The following STIMATE variants were observed in gnomAD, a reference collection of about 807,000 sequenced individuals.
STIMATE encodes the protein STIM activating enhancer.
In STIMATE, 15 loss-of-function variants were observed where a neutral mutation model predicts 36.7. That is an observed-to-expected ratio of 0.41 (90% CI 0.27 to 0.63). The LOEUF (loss-of-function observed/expected upper bound fraction) is 0.63, where lower values mean the gene tolerates loss of function less well. STIMATE is among the 20% of genes least tolerant of loss of function. STIMATE has a pLI of 0.32. For missense variants in STIMATE, 305 were observed against 397.3 expected, an observed-to-expected ratio of 0.77 and a Z score of 1.98; for synonymous variants, 163 against 162.3, an observed-to-expected ratio of 1.00 and a Z score of -0.03.
chr3:52,883,446 T>TGG (rs1701642411), intron 1 of STIMATE, among the ~76,000 whole-genome samples: 1 of 152,250 alleles, frequency 6.6e-6, no homozygotes, highest in Non-Finnish European at 1.5e-5. Context: ...TTATCTTGCC[T>TGG]GGGGTTCATC....
At chr3:52,866,004 T>C (rs1403023310) in intron 1 of STIMATE, among the ~76,000 whole-genome samples, 1 of 152,186 alleles carries the variant, frequency 6.6e-6, no homozygotes, top group Non-Finnish European at 1.5e-5. Context: ...AGAGGCTACA[T>C]GGCATCCCAC....
intron 1 of STIMATE, among the ~76,000 whole-genome samples, chr3:52,877,166 C>T (rs920943125): frequency 6.6e-6 from 1 of 152,234 alleles, no homozygotes; most frequent in East Asian, 1.9e-4. Flanking sequence ...ACACAGCTCA[C>T]GCTTTTGGGC....
intron 1 of STIMATE, among the ~76,000 whole-genome samples, chr3:52,884,338 C>T (rs146018788): frequency 0.013 from 2,024 of 151,758 alleles, 57 homozygotes; most frequent in African/African-American, 0.047. Context: ...CTCCGCTTCC[C>T]GGGTTCAAGC....
chr3:52,856,451 C>T (rs1329401196), intron 1 of STIMATE, among the ~76,000 whole-genome samples: 3 of 152,102 alleles, frequency 2.0e-5, no homozygotes, highest in Non-Finnish European at 2.9e-5. Flanking sequence ...AAAGCTGAGG[C>T]GTGAGGATTG....
intron 1 of STIMATE, among the ~76,000 whole-genome samples, chr3:52,893,406 T>A (rs1480301664): frequency 6.6e-6 from 1 of 151,264 alleles, no homozygotes; most frequent in African/African-American, 2.4e-5. Context: ...AAAGCAAATG[T>A]GACAAAATGT....
intron 1 of STIMATE, 130 bp downstream of exon 1, chr3:52,897,161 G>C: frequency 8.0e-7 from 1 of 1,257,406 alleles, no homozygotes; most frequent in Non-Finnish European, 1.1e-6. Context: ...GGAATACCCA[G>C]CCTGGGTTTG....
At position 52,852,696 on chromosome 3, in the gene STIMATE, A is replaced by C. The variant is rs1330524066; in HGVS notation, c.212T>G (p.Phe71Cys). The C allele has an allele frequency of 1.2e-6, 2 of 1,613,824 alleles. No homozygotes were observed. Among genetic ancestry groups the C allele is most frequent in the South Asian group, 2.2e-5 (2 of 91,068 alleles). ...KHERRPWRIWFLDTSKQAIGM... is the reference protein window; with the variant it reads ...KHERRPWRIWCLDTSKQAIGM... The stretch of plus-strand genomic sequence containing the variant: ...TATGGCTTGTTTGGAAGTGTCTAAA[A>C]ACCTGTACAAAATAAACCAGCACTG... The change falls in exon 3 of 8, where the codon TTT (phenylalanine) becomes TGT (cysteine). Residue 71 changes from phenylalanine (F) to cysteine (C), a missense_variant and splice_region_variant. This residue lies in a region of STIMATE where 164 missense variants were observed against 257.9 expected (regional missense o/e 0.64). Transcript: ENST00000355083.
At chr3:52,867,565 T>G (rs1391829738) in intron 1 of STIMATE, among the ~76,000 whole-genome samples, 1 of 152,248 alleles carries the variant, frequency 6.6e-6, no homozygotes, top group Non-Finnish European at 1.5e-5. Flanking sequence ...TTTGGAGCCC[T>G]CTGCCCCATG....
intron 1 of STIMATE, among the ~76,000 whole-genome samples, chr3:52,865,140 T>C (rs556101444): frequency 3.9e-5 from 6 of 152,188 alleles, no homozygotes; most frequent in Admixed American, 2.0e-4. Flanking sequence ...AGAGATGGGG[T>C]TTCACTATCT....
At chr3:52,850,439 A>AAAACAAAAC (rs1455277954) in intron 3 of STIMATE, among the ~76,000 whole-genome samples, 1 of 151,888 alleles carries the variant, frequency 6.6e-6, no homozygotes, top group East Asian at 1.9e-4. Context: ...TCAAAAAAAC[A>AAAACAAAAC]AAACAAAACA....
chr3:52,877,159 CA>C (rs1364816223), intron 1 of STIMATE, among the ~76,000 whole-genome samples: 1 of 152,256 alleles, frequency 6.6e-6, no homozygotes, highest in Non-Finnish European at 1.5e-5. Flanking sequence ...CTCTTTAACA[CA>C]GCTCACGCTT....
At chr3:52,883,517 T>C (rs1013589399) in intron 1 of STIMATE, among the ~76,000 whole-genome samples, 2 of 152,330 alleles carry the variant, frequency 1.3e-5, no homozygotes, top group East Asian at 3.9e-4. Context: ...TCAGTCATTA[T>C]TTCTTCTAAC....
At chr3:52,879,415 C>CT (rs1490969694) in intron 1 of STIMATE, among the ~76,000 whole-genome samples, 2 of 152,316 alleles carry the variant, frequency 1.3e-5, no homozygotes, top group East Asian at 3.9e-4. Context: ...CCAGAGTAGT[C>CT]TGATGGATAC....
chr3:52,893,221 G>A (rs1701809890), intron 1 of STIMATE, among the ~76,000 whole-genome samples: 1 of 152,130 alleles, frequency 6.6e-6, no homozygotes, highest in South Asian at 2.1e-4. Context: ...CTGGATATGA[G>A]ATGATATCAT....
chr3:52,859,778 A>T (rs1270112403), intron 1 of STIMATE, among the ~76,000 whole-genome samples: 1 of 152,004 alleles, frequency 6.6e-6, no homozygotes, highest in Admixed American at 6.5e-5. Flanking sequence ...GAATTTACGA[A>T]AGAAAAGACA....
intron 1 of STIMATE, chr3:52,895,758 G>A: frequency 1.8e-6 from 1 of 560,524 alleles, no homozygotes; most frequent in Non-Finnish European, 2.8e-6. Context: ...AACAGCCAGA[G>A]CTAGGCTAAG....
rs1243495146 is a variant in STIMATE at position 52,896,476 on chromosome 3, C to A, written c.160+815G>T. ...AAAAACAGAAGCCCCCCCCCACCCC[C>A]CATCAGCACACATGAGAACAGGGTG... On this transcript the variant is annotated intron_variant, in intron 1 of 7. Transcript: ENST00000355083. Among the ~76,000 whole-genome samples the A allele has an allele frequency of 2.0e-5, 3 of 152,310 alleles. No homozygotes were observed. In the East Asian group the frequency reaches 5.8e-4, roughly 29 times the overall value.
intron 4 of STIMATE, chr3:52,847,148 G>A (rs1017844172): frequency 5.8e-6 from 5 of 865,858 alleles, no homozygotes; most frequent in Non-Finnish European, 5.6e-6. Flanking sequence ...GGGCTCAAGC[G>A]ATCCTCCCCG....
chr3:52,876,180 T>C (rs1473692265), intron 1 of STIMATE, among the ~76,000 whole-genome samples: 2 of 152,146 alleles, frequency 1.3e-5, no homozygotes, highest in African/African-American at 4.8e-5. Flanking sequence ...GATAGAATCA[T>C]CCTAATTTTC....
Sources: gnomAD v4.1 joint callset for allele counts (sites outside exome capture counted in the v4.1 genomes callset) on GRCh38, gnomAD v4.1.1 for gene constraint, gnomAD v4.1.1 regional missense constraint, MANE v1.5 for transcripts, NCBI Gene and HGNC (gene_info 2026-07-23, HGNC 2026-07-21) for gene names.